SLC6A20: variants seen among roughly 807,000 people sequenced by gnomAD.
The protein encoded by SLC6A20 is sodium- and chloride-dependent transporter XTRP3.
Under a neutral mutation model 64.3 loss-of-function variants are expected in SLC6A20, and 73 were observed. The observed-to-expected ratio is 1.14, with a 90% confidence interval of 0.94 to 1.38. The LOEUF is 1.38. Ranked by LOEUF, SLC6A20 falls within the 40% of genes most tolerant of loss-of-function variation. SLC6A20 has a pLI of 0.00. For synonymous variants in SLC6A20, 347 were observed against 329.6 expected (o/e 1.05, Z -0.57); for missense variants, 725 against 772.8 (o/e 0.94, Z 0.73).
chr3:45,793,890 T>G (rs893623520), intron 1 of SLC6A20, among the ~76,000 whole-genome samples: 1 of 152,170 alleles, frequency 6.6e-6, no homozygotes, highest in Non-Finnish European at 1.5e-5. Context: ...TACTGTGCAG[T>G]GAAAGGCTTG....
chr3:45,768,948 T>C (rs929332531), intron 7 of SLC6A20, among the ~76,000 whole-genome samples: 1 of 152,144 alleles, frequency 6.6e-6, no homozygotes, highest in African/African-American at 2.4e-5. Flanking sequence ...GATATAAGCA[T>C]TGAAAAGAAA....
At chr3:45,768,337 A>G (rs2108918) in intron 7 of SLC6A20, among the ~76,000 whole-genome samples, 93,899 of 151,852 alleles carry the variant, frequency 0.62, 31,708 homozygotes, top group Middle Eastern at 0.84. Flanking sequence ...AAAAAAAAAG[A>G]ACAAAGCAAC....
At chr3:45,773,710 T>C (rs1699916423) in intron 4 of SLC6A20, among the ~76,000 whole-genome samples, 1 of 152,328 alleles carries the variant, frequency 6.6e-6, no homozygotes, top group East Asian at 1.9e-4. Context: ...TCCCTTCCTA[T>C]TGAGGTGTGG....
rs1699764348 is a variant in SLC6A20 at position 45,765,670 on chromosome 3, C to T, written c.1170G>A (p.Leu390=). 2 of 1,614,242 alleles carry T rather than the reference C, an allele frequency of 1.2e-6. No individual in the cohort carries two copies. Among genetic ancestry groups the T allele is most frequent in the Non-Finnish European group, 1.7e-6 (2 of 1,180,038 alleles). ...GCATGAAGAAGTAGAGCACCGACCA[C>T]AGCTGGGACACCTCCATGTTTTTAA... is the stretch of plus-strand genomic sequence containing the variant. The part of the protein sequence containing the change: ...EAIKNMEVSQ[L]WSVLYFFMLL... Residue 390 remains leucine, a synonymous_variant, in exon 8 of 11, where the codon CTG becomes CTA. Coordinates refer to ENST00000358525, the MANE Select transcript of SLC6A20 (RefSeq NM_020208.4). This position sits in a 1 kb window ranked among gnomAD's most constrained non-coding sequence, Gnocchi z 4.2.
At chr3:45,761,785 C>T (rs1699687103) in intron 9 of SLC6A20, among the ~76,000 whole-genome samples, 1 of 152,164 alleles carries the variant, frequency 6.6e-6, no homozygotes, top group Non-Finnish European at 1.5e-5. Context: ...TCTTTGGGAT[C>T]CACAACTGTC....
intron 2 of SLC6A20, among the ~76,000 whole-genome samples, chr3:45,780,913 C>T (rs1306580907): frequency 6.6e-6 from 1 of 152,210 alleles, no homozygotes; most frequent in Non-Finnish European, 1.5e-5. Flanking sequence ...ACCAGCATCC[C>T]CTGGTTGGCA....
intron 7 of SLC6A20, among the ~76,000 whole-genome samples, chr3:45,767,406 T>C (rs1158320100): frequency 2.0e-5 from 3 of 152,204 alleles, no homozygotes; most frequent in Non-Finnish European, 2.9e-5. Context: ...AATATAGTTA[T>C]TGAATTAAAA....
rs1477711102 is a variant in SLC6A20, at chr3:45,765,054, A to AAT, written c.1303+481_1303+482dup. ...ATGGTGAAACCCCTTCTCTACTAAA[A>AAT]ATACAAAAATTAGCCAGGTGTCATG... On this transcript the variant is annotated intron_variant, in intron 8 of 10. Transcript: ENST00000358525. This position sits in a 1 kb window ranked among gnomAD's most constrained non-coding sequence, Gnocchi z 4.2. Among the ~76,000 whole-genome samples, 1 of 151,624 alleles carries AAT rather than the reference A, an allele frequency of 6.6e-6. No homozygotes were observed. The highest frequency in any genetic ancestry group is 1.5e-5 in the Non-Finnish European group (1 of 67,890).
At chr3:45,769,918 G>A (rs933330743) in intron 7 of SLC6A20, among the ~76,000 whole-genome samples, 1 of 152,156 alleles carries the variant, frequency 6.6e-6, no homozygotes. Context: ...TGGTATATAT[G>A]GGTGTTTGTT....
chr3:45,773,135 G>GA (rs201386269), intron 4 of SLC6A20, among the ~76,000 whole-genome samples: 19 of 151,388 alleles, frequency 1.3e-4, no homozygotes, highest in East Asian at 1.2e-3. Context: ...CAATTAAAAG[G>GA]AAAAAAAAAT....
chr3:45,793,084 A>C (rs1700283671), intron 1 of SLC6A20, among the ~76,000 whole-genome samples: 1 of 152,170 alleles, frequency 6.6e-6, no homozygotes, highest in East Asian at 1.9e-4. Context: ...CAATTCTCTA[A>C]GCAATTTGGG....
chr3:45,764,867 T>C (rs1699749329), intron 8 of SLC6A20, among the ~76,000 whole-genome samples: 1 of 152,068 alleles, frequency 6.6e-6, no homozygotes, highest in Non-Finnish European at 1.5e-5. Flanking sequence ...CTTGGGTGGA[T>C]ACATATGTAA....
At chr3:45,770,768 G>A (rs1699849333) in intron 6 of SLC6A20, among the ~76,000 whole-genome samples, 1 of 152,230 alleles carries the variant, frequency 6.6e-6, no homozygotes, top group African/African-American at 2.4e-5. Flanking sequence ...TTATTTAAAT[G>A]TGAATTAAGT....
chr3:45,789,312 C>T (rs1032542458), intron 1 of SLC6A20, among the ~76,000 whole-genome samples: 5 of 152,044 alleles, frequency 3.3e-5, no homozygotes, highest in Admixed American at 3.3e-4. Flanking sequence ...AAGATCAAAA[C>T]AAAATCCAAC....
rs1265193288 is a variant in SLC6A20, at chr3:45,763,048, GCA to G, written c.1326_1327del (p.Ala443HisfsTer15). On this transcript the variant is annotated frameshift_variant, in exon 9 of 11. Coordinates refer to ENST00000358525, the MANE Select transcript of SLC6A20 (RefSeq NM_020208.4). LOFTEE classifies it high-confidence loss of function. ...CTCCATCGTGAACACCATGCCAATG[GCA>G]CAGTTGACAAGGCACACCAGACCTG... 6.2e-7 allele frequency: 1 copy of G among 1,613,970 alleles called. No individual in the cohort carries two copies. Among genetic ancestry groups the G allele is most frequent in the African/African-American group, 1.3e-5 (1 of 74,922 alleles).
At chr3:45,760,763 C>G (rs960449383) in intron 9 of SLC6A20, among the ~76,000 whole-genome samples, 1 of 152,236 alleles carries the variant, frequency 6.6e-6, no homozygotes, top group Non-Finnish European at 1.5e-5. Context: ...TACACGTACA[C>G]AGTATAAAAA....
intron 1 of SLC6A20, among the ~76,000 whole-genome samples, chr3:45,788,146 A>C (rs1243545200): frequency 6.6e-6 from 1 of 151,330 alleles, no homozygotes. Context: ...GGGTCTCACT[A>C]TGTTGCCTAA....
rs757875816 is a variant in SLC6A20 at position 45,776,073 on chromosome 3, G to A, written c.355-85C>T. 27 of 1,295,794 alleles carry A rather than the reference G, an allele frequency of 2.1e-5. No individual in the cohort carries two copies. In the Middle Eastern group the frequency reaches 5.6e-4, roughly 27 times the overall value. 80.3% of individuals were successfully genotyped at this position (1,295,794 alleles called of 1,614,324 possible). The stretch of plus-strand genomic sequence containing the variant: ...AGGGGTGAGGGAGGTGGCCCTGAGC[G>A]GAGACTCTTGGAAGAGAAGGGTGCT... On this transcript the variant is annotated intron_variant, in intron 3 of 10. Coordinates refer to ENST00000358525, the MANE Select transcript of SLC6A20 (RefSeq NM_020208.4).
Position 45,793,982 on chromosome 3 carries a change from T to C in SLC6A20, c.121+2317A>G, listed in dbSNP as rs1575440082. 2.0e-5 allele frequency among the ~76,000 whole-genome samples: 3 copies of C among 152,236 alleles called. No homozygotes were observed. The East Asian group carries it at 5.8e-4, about 29-fold the overall frequency. On this transcript the variant is annotated intron_variant, in intron 1 of 10. Coordinates refer to ENST00000358525, the MANE Select transcript of SLC6A20 (RefSeq NM_020208.4). ...GCTCATTCACTCAACAAATATTTAT[T>C]GGATGGCTCCTGTGACTCCATCACA...
Sources: gnomAD v4.1 joint callset for allele counts (sites outside exome capture counted in the v4.1 genomes callset) on GRCh38, gnomAD v4.1.1 for gene constraint, Gnocchi (gnomAD v3.1) non-coding constraint, MANE v1.5 for transcripts, NCBI Gene and HGNC (gene_info 2026-07-23, HGNC 2026-07-21) for gene names.